STAG2: variants seen among roughly 807,000 people sequenced by gnomAD.
The protein encoded by STAG2 is cohesin subunit SA-2.
STAG2 carries 14 observed loss-of-function variants against 108.1 expected under a neutral mutation model. The observed-to-expected ratio is 0.13, with a 90% CI of 0.09 to 0.20. The LOEUF is 0.20. Among genes scored for constraint, STAG2 ranks in the 10% least tolerant of loss-of-function variants. The pLI is 1.00. For missense variants in STAG2, 440 were observed against 940.9 expected (o/e 0.47, Z 6.96); for synonymous variants, 307 against 302.7 (o/e 1.01, Z -0.15).
At chrX:124,022,822 C>A in intron 3 of STAG2, 151 bp downstream of exon 3, 1 of 350,959 alleles carries the variant, frequency 2.8e-6, no homozygotes, top group Non-Finnish European at 4.9e-6. Flanking sequence ...CAGCACTCAT[C>A]AAGGCTCTGT....
chrX:124,097,179 C>CAAAAAAAAAAAA (rs56942682), intron 34 of STAG2, among the ~76,000 whole-genome samples: 3 of 38,190 alleles, frequency 7.9e-5, no homozygotes, highest in African/African-American at 3.7e-4. Context: ...GACCCTGTCT[C>CAAAAAAAAAAAA]AAAAAAAAAA....
At chrX:124,040,550 G>C (rs781317756) in intron 6 of STAG2, among the ~76,000 whole-genome samples, 1 of 109,425 alleles carries the variant, frequency 9.1e-6, no homozygotes, top group East Asian at 2.9e-4. Context: ...TCTGCTCTGA[G>C]GTCCTTTTCT....
chrX:124,029,996 G>C (rs2057281870), intron 4 of STAG2, among the ~76,000 whole-genome samples: 1 of 110,144 alleles, frequency 9.1e-6, no homozygotes, highest in African/African-American at 3.3e-5. Flanking sequence ...GACAACTTTT[G>C]TTATAATGGG....
chrX:123,984,583 A>G (rs758402957), intron 1 of STAG2, among the ~76,000 whole-genome samples: 1 of 111,847 alleles, frequency 8.9e-6, no homozygotes, highest in Non-Finnish European at 1.9e-5. Context: ...GCAGGCTCTC[A>G]AGAAATATTT....
chrX:124,095,615 C>T, intron 34 of STAG2, 166 bp downstream of exon 34: 1 of 442,718 alleles, frequency 2.3e-6, no homozygotes, highest in Non-Finnish European at 4.0e-6. Flanking sequence ...GAAGAGAGTG[C>T]TGCAATAGTG....
chrX:124,012,051 C>G lies in STAG2; in HGVS notation c.-162-9316C>G, dbSNP rs189704258. Among the ~76,000 whole-genome samples, 7 of 111,694 alleles carry G rather than the reference C, an allele frequency of 6.3e-5. No homozygotes were observed. In the East Asian group the frequency reaches 2.0e-3, roughly 31 times the overall value. On this transcript the variant is annotated intron_variant, in intron 1 of 34. Coordinates refer to ENST00000371145, the MANE Select transcript of STAG2 (RefSeq NM_001042750.2). ...CTTTTCCTGCATCAACTGAGATGAT[C>G]ATGTGGTTTTTGTCCTTCATTCTGT...
In STAG2 at chrX:124,037,506, AT is replaced by A. The variant is rs763462625; in HGVS notation, c.289-14del. The A allele has an allele frequency of 6.5e-6, 7 of 1,070,538 alleles. No homozygotes were observed. The highest frequency in any genetic ancestry group is 2.7e-4 in the Middle Eastern group (1 of 3,765). 88.2% of individuals were successfully genotyped at this position (1,070,538 alleles called of 1,213,427 possible). A position where few individuals can be genotyped will look rare whatever the true frequency, so the allele number is the denominator to read the frequency against. ...AAAATTAGAAGAAGCTAATGATTTT[AT>A]TTTTTTCCCTCTGCTGTAGTCGGTG... On this transcript the variant is annotated intron_variant, in intron 5 of 34. Transcript: ENST00000371145.
chrX:123,986,907 G>T (rs2055213491), intron 1 of STAG2, among the ~76,000 whole-genome samples: 1 of 109,847 alleles, frequency 9.1e-6, no homozygotes, highest in South Asian at 3.9e-4. Flanking sequence ...TCAAACTTCT[G>T]GGCTCAAGCA....
chrX:124,062,952 C>T lies in STAG2; in HGVS notation c.1689C>T (p.Ile563=), dbSNP rs1438268974. The change falls in exon 18 of 35, where the codon ATC becomes ATT. Residue 563 remains isoleucine (I), a synonymous_variant. Transcript: ENST00000371145. ...KKTQLDDRTK[I]TELFAVALPQ... ...CACAGTTGGATGATAGGACAAAAAT[C>T]ACTGAGCTTTTTGCCGTGGCCCTTC... is the stretch of plus-strand genomic sequence containing the variant. 2 of 1,211,450 alleles carry T rather than the reference C, an allele frequency of 1.7e-6. No individual in the cohort carries two copies. The highest frequency in any genetic ancestry group is 4.3e-5 in the Admixed American group (2 of 46,022).
chrX:124,065,016 G>T (rs1490101758), intron 20 of STAG2, among the ~76,000 whole-genome samples: 1 of 111,315 alleles, frequency 9.0e-6, no homozygotes, highest in African/African-American at 3.3e-5. Context: ...TATGGACTTT[G>T]TGATTTCTAG....
intron 25 of STAG2, among the ~76,000 whole-genome samples, chrX:124,074,135 A>G (rs893459366): frequency 3.6e-4 from 40 of 112,137 alleles, no homozygotes; most frequent in African/African-American, 1.1e-3. Flanking sequence ...GCTGGCCTCA[A>G]CCTCCTGGGC....
At position 124,031,741 on chromosome X, in the gene STAG2, A is replaced by T. The variant is rs552812019; in HGVS notation, c.288+616A>T. Among the ~76,000 whole-genome samples the T allele has an allele frequency of 3.4e-3, 270 of 79,627 alleles. 2 individuals are homozygous for T. The South Asian group carries it at 0.061, about 18-fold the overall frequency. The allele number at this position is 79,627 out of a possible 115,157, so 69.1% of individuals were successfully genotyped here. A position where few individuals can be genotyped will look rare whatever the true frequency, so the allele number is the denominator to read the frequency against. On this transcript the variant is annotated intron_variant, in intron 5 of 34. Coordinates refer to ENST00000371145, the MANE Select transcript of STAG2 (RefSeq NM_001042750.2). ...CCCATTATTTATTATTATTATTATT[A>T]TTTTTTTGAGATGGAGTCTCACTCT...
At chrX:124,042,784 G>T (rs1186943844) in intron 7 of STAG2, 139 bp downstream of exon 7, 1 of 454,678 alleles carries the variant, frequency 2.2e-6, no homozygotes, top group Non-Finnish European at 3.8e-6. Context: ...GGCCGAGGCA[G>T]GCGGATCACC....
chrX:123,989,028 A>G (rs2055323963), intron 1 of STAG2, among the ~76,000 whole-genome samples: 1 of 111,301 alleles, frequency 9.0e-6, no homozygotes, highest in African/African-American at 3.3e-5. Context: ...GTCCACAGTG[A>G]AACTATTCAG....
chrX:124,062,709 G>A (rs1339152447), intron 17 of STAG2, among the ~76,000 whole-genome samples, 193 bp from the exon 18 acceptor site: 2 of 111,189 alleles, frequency 1.8e-5, no homozygotes, highest in Admixed American at 1.9e-4. Flanking sequence ...TGTTATTTCA[G>A]GTGGCTTTTT....
intron 1 of STAG2, among the ~76,000 whole-genome samples, chrX:123,962,439 A>G (rs1286327673): frequency 9.0e-6 from 1 of 110,625 alleles, no homozygotes; most frequent in Non-Finnish European, 1.9e-5. Flanking sequence ...CTTGGTGCAT[A>G]TGTCATTTTA....
At chrX:124,044,785 T>G (rs1321441309) in intron 7 of STAG2, among the ~76,000 whole-genome samples, 9 of 112,359 alleles carry the variant, frequency 8.0e-5, no homozygotes, top group Non-Finnish European at 1.5e-4. Flanking sequence ...GAGAGTATAA[T>G]TTCCATCATT....
At position 124,015,237 on chromosome X, in the gene STAG2, C is replaced by T. The variant is rs774497816; in HGVS notation, c.-162-6130C>T. Among the ~76,000 whole-genome samples, 4 of 107,962 alleles carry T rather than the reference C, an allele frequency of 3.7e-5. No individual in the cohort carries two copies. In the East Asian group the frequency reaches 8.7e-4, roughly 24 times the overall value. The allele number at this position is 107,962 out of a possible 115,157, so 93.8% of individuals were successfully genotyped here. On this transcript the variant is annotated intron_variant, in intron 1 of 34. Coordinates refer to ENST00000371145, the MANE Select transcript of STAG2 (RefSeq NM_001042750.2). ...TCTTGACCTCGTGATCCTCCCGCCT[C>T]GGCCTCCCAAAGTGCTGGGATTACA...
Position 124,022,605 on chromosome X carries a change from G to A in STAG2, c.-23G>A. 8.6e-7 allele frequency: 1 copy of A among 1,157,091 alleles called. No homozygotes were observed. Among genetic ancestry groups the A allele is most frequent in the Non-Finnish European group, 1.2e-6 (1 of 865,329 alleles). The stretch of plus-strand genomic sequence containing the variant: ...ATATGAATATATTTCTGACATTGAG[G>A]TGTTCCAGAAGATGATAAAGAAATG... On this transcript the variant is annotated 5_prime_UTR_variant, in exon 3 of 35. The change creates a new upstream start codon in the 5' untranslated region. Transcript: ENST00000371145.
Sources: allele counts gnomAD v4.1 joint callset (sites outside exome capture counted in the v4.1 genomes callset), GRCh38; gene constraint gnomAD v4.1.1; transcripts MANE v1.5; gene names NCBI Gene and HGNC (gene_info 2026-07-23, HGNC 2026-07-21).